RIN2: variants seen among roughly 807,000 people sequenced by gnomAD.
RIN2 encodes Ras and Rab interactor 2, also known as RAB5 interacting protein 2.
A neutral mutation model predicts 78.0 loss-of-function variants in RIN2; 36 were observed. The observed-to-expected ratio is 0.46, with a 90% CI of 0.35 to 0.61. The LOEUF is 0.61. Ranked by LOEUF, RIN2 falls within the 20% of genes least tolerant of loss-of-function variation. RIN2 has a pLI of 0.00. For missense variants in RIN2, 1,087 were observed against 1,159.7 expected, an observed-to-expected ratio of 0.94 and a Z score of 0.91; for synonymous variants, 466 against 466.8, an observed-to-expected ratio of 1.00 and a Z score of 0.02.
chr20:19,834,487 C>T (rs116959945), intron 2 of RIN2, among the ~76,000 whole-genome samples: 2 of 152,112 alleles, frequency 1.3e-5, no homozygotes, highest in Admixed American at 6.5e-5. Context: ...GCTGCAACCT[C>T]CCACCCAGTG....
At chr20:19,991,835 C>T (rs2042806277) in intron 10 of RIN2, among the ~76,000 whole-genome samples, 1 of 152,172 alleles carries the variant, frequency 6.6e-6, no homozygotes, top group East Asian at 1.9e-4. Context: ...ATTTTGTAAG[C>T]ATTTTATAAT....
intron 1 of RIN2, among the ~76,000 whole-genome samples, chr20:19,797,081 C>G (rs1378206986): frequency 6.6e-6 from 1 of 152,138 alleles, no homozygotes; most frequent in Non-Finnish European, 1.5e-5. Flanking sequence ...ATTGTGTGAG[C>G]AATTCCAGCT....
At chr20:19,894,674 A>C (rs1323253639) in intron 3 of RIN2, among the ~76,000 whole-genome samples, 1 of 152,088 alleles carries the variant, frequency 6.6e-6, no homozygotes, top group Non-Finnish European at 1.5e-5. Flanking sequence ...ATTAGTGCTC[A>C]TGTGACTTTG....
intron 7 of RIN2, among the ~76,000 whole-genome samples, chr20:19,966,736 G>A (rs1426778308): frequency 6.6e-6 from 1 of 152,192 alleles, no homozygotes; most frequent in Non-Finnish European, 1.5e-5. Flanking sequence ...CTGCTCACCA[G>A]CAGGAAGAAA....
Position 19,963,069 on chromosome 20 carries a change from A to T in RIN2, c.464-1883A>T, listed in dbSNP as rs191095911. Among the ~76,000 whole-genome samples the T allele has an allele frequency of 3.3e-3, 507 of 152,372 alleles. 2 individuals are homozygous for T. Among genetic ancestry groups the T allele is most frequent in the African/African-American group, 0.011 (444 of 41,582 alleles). Reference sequence around the variant, plus strand: ...CTTTCACATAAATTATTTCATTTTTAAAAAATTTCATCTCCCCCCACCACC... The same window carrying T: ...CTTTCACATAAATTATTTCATTTTTTAAAAATTTCATCTCCCCCCACCACC... On this transcript the variant is annotated intron_variant, in intron 6 of 12. Transcript: ENST00000255006.
chr20:19,820,174 G>T (rs1407231224), intron 2 of RIN2, among the ~76,000 whole-genome samples: 1 of 152,172 alleles, frequency 6.6e-6, no homozygotes, highest in African/African-American at 2.4e-5. Context: ...TAATCCTGTT[G>T]ATTTTAACCT....
chr20:19,864,982 CT>C, intron 2 of RIN2, among the ~76,000 whole-genome samples: 1 of 152,266 alleles, frequency 6.6e-6, no homozygotes, highest in East Asian at 1.9e-4. Context: ...TTCATTTTCT[CT>C]TTTAAGTATC....
intron 9 of RIN2, among the ~76,000 whole-genome samples, chr20:19,989,607 T>C (rs578069512): frequency 6.6e-6 from 1 of 152,152 alleles, no homozygotes; most frequent in Admixed American, 6.5e-5. Flanking sequence ...TGTTGAATGC[T>C]CATTATTAGA....
At chr20:19,935,972 G>A (rs2040622378) in intron 4 of RIN2, among the ~76,000 whole-genome samples, 1 of 152,232 alleles carries the variant, frequency 6.6e-6, no homozygotes, top group Non-Finnish European at 1.5e-5. Context: ...CCTGCCTGGA[G>A]CAGTGTGAGG....
chr20:19,974,893 C>T lies in RIN2; in HGVS notation c.868C>T (p.Arg290Trp), dbSNP rs373060422. ...HSQDLSGGLKRPSTRTPNANG... is the reference protein window; with the variant it reads ...HSQDLSGGLKWPSTRTPNANG... ...CCAGGACCTCAGTGGAGGCCTGAAA[C>T]GGCCGAGCACAAGGACTCCCAACGC... Residue 290 changes from arginine (R) to tryptophan (W), a missense_variant, in exon 9 of 13, where the codon CGG (arginine) becomes TGG (tryptophan). Around this residue, in one of 8 missense-constraint regions of RIN2, gnomAD observed 706 missense variants for 667.5 expected, o/e 1.06. Transcript: ENST00000255006. The T allele has an allele frequency of 1.9e-6, 3 of 1,613,910 alleles. No individual in the cohort carries two copies. Among genetic ancestry groups the T allele is most frequent in the South Asian group, 1.1e-5 (1 of 91,084 alleles).
chr20:19,874,064 GT>G, intron 2 of RIN2, among the ~76,000 whole-genome samples: 1 of 19,046 alleles, frequency 5.3e-5, no homozygotes, highest in South Asian at 1.5e-3. Flanking sequence ...ACATTTTGGT[GT>G]GTGTGTGTGT....
intron 3 of RIN2, among the ~76,000 whole-genome samples, chr20:19,904,369 C>G (rs1483903943): frequency 6.6e-6 from 1 of 151,800 alleles, no homozygotes; most frequent in Admixed American, 6.6e-5. Context: ...TCCACACCTA[C>G]AATGGTGAGG....
At chr20:19,986,107 T>A (rs1472520689) in intron 9 of RIN2, among the ~76,000 whole-genome samples, 2 of 152,212 alleles carry the variant, frequency 1.3e-5, no homozygotes, top group African/African-American at 4.8e-5. Flanking sequence ...TGGAGAGTAG[T>A]AATTTATGAG....
chr20:19,983,705 C>T (rs991008942), intron 9 of RIN2, among the ~76,000 whole-genome samples: 7 of 152,078 alleles, frequency 4.6e-5, no homozygotes, highest in Admixed American at 2.6e-4. Context: ...TTAGGAAGTA[C>T]GCATGCAGAA....
intron 2 of RIN2, among the ~76,000 whole-genome samples, chr20:19,881,619 C>T (rs6081789): frequency 7.2e-4 from 109 of 152,082 alleles, no homozygotes; most frequent in Non-Finnish European, 1.5e-3. Flanking sequence ...CAGAGTCACC[C>T]AGTCTGGAGT....
intron 1 of RIN2, among the ~76,000 whole-genome samples, chr20:19,760,151 C>G (rs2033577025): frequency 6.6e-6 from 1 of 152,224 alleles, no homozygotes; most frequent in Non-Finnish European, 1.5e-5. Flanking sequence ...CTCATGCACT[C>G]CCGTGCTTTG....
chr20:19,858,882 A>T (rs2037246126), intron 2 of RIN2, among the ~76,000 whole-genome samples: 2 of 152,230 alleles, frequency 1.3e-5, no homozygotes, highest in Admixed American at 6.5e-5. Context: ...GGAGACCAGA[A>T]CAAAGCAGGA....
chr20:19,813,299 G>T (rs2035660835), intron 2 of RIN2, among the ~76,000 whole-genome samples: 1 of 152,216 alleles, frequency 6.6e-6, no homozygotes, highest in African/African-American at 2.4e-5. Context: ...AGGTGGAAAA[G>T]AAAGAAGTTC....
At chr20:19,946,422 A>T (rs2146187712) in intron 4 of RIN2, among the ~76,000 whole-genome samples, 2 of 152,308 alleles carry the variant, frequency 1.3e-5, no homozygotes, top group East Asian at 3.9e-4. Flanking sequence ...TATCTACAGG[A>T]TGATCTTCCC....
Sources: gnomAD v4.1 joint callset for allele counts (sites outside exome capture counted in the v4.1 genomes callset) on GRCh38, gnomAD v4.1.1 for gene constraint, gnomAD v4.1.1 regional missense constraint, MANE v1.5 for transcripts, NCBI Gene and HGNC (gene_info 2026-07-23, HGNC 2026-07-21) for gene names.